MACF1: variants seen among roughly 807,000 people sequenced by gnomAD.
The protein encoded by MACF1 is microtubule actin crosslinking factor 1, also known as microtubule-actin cross-linking factor 1.
Under a neutral mutation model 854.8 loss-of-function variants are expected in MACF1, and 193 were observed. That is an observed-to-expected ratio of 0.23 (90% CI 0.20 to 0.25). MACF1 has a LOEUF of 0.25. Among genes scored for constraint, MACF1 ranks in the 10% least tolerant of loss-of-function variants. MACF1 has a pLI of 1.00. For missense variants in MACF1, 7,722 were observed against 8,929.1 expected, an observed-to-expected ratio of 0.86 and a Z score of 5.45; for synonymous variants, 3,185 against 3,226.7, an observed-to-expected ratio of 0.99 and a Z score of 0.44.
In MACF1 at chr1:39,333,848, T is replaced by A. The variant is rs1407740292; in HGVS notation, c.7260T>A (p.Val2420=). 1.2e-6 allele frequency: 2 copies of A among 1,614,174 alleles called. No individual in the cohort carries two copies. Among genetic ancestry groups the A allele is most frequent in the East Asian group, 4.5e-5 (2 of 44,880 alleles). Residue 2420 remains valine (V), a synonymous_variant, in exon 37 of 101, where the codon GTT becomes GTA. Transcript: ENST00000564288. ...TTGATCTGAAACGAGGCAAAAAAGT[T>A]TCAGTAACTTTGGCCTCAACTCTTG... ...GIIDLKRGKK[V]SVTLASTLGL...
At position 39,439,400 on chromosome 1, in the gene MACF1, C is replaced by T; in HGVS notation, c.18347C>T (p.Ala6116Val). ...GAGAAGTTCTGGTATGACATGGCAG[C>T]TCTCCTGACCACCATCAAAGACACC... is the stretch of plus-strand genomic sequence containing the variant. Reference protein sequence around the residue: ...LAEKFWYDMAALLTTIKDTQD... With the variant: ...LAEKFWYDMAVLLTTIKDTQD... Residue 6116 changes from alanine (A) to valine (V), a missense_variant, in exon 72 of 101, where the codon GCT (alanine) becomes GTT (valine). By Grantham distance (64) the Ala-to-Val change is moderately conservative (BLOSUM62 0). Around this residue, in one of 15 missense-constraint regions of MACF1, gnomAD observed 2,807 missense variants for 3,235.8 expected, o/e 0.87. Coordinates refer to ENST00000564288, the MANE Select transcript of MACF1 (RefSeq NM_001394062.1). The T allele has an allele frequency of 6.8e-6, 11 of 1,614,028 alleles. No individual in the cohort carries two copies. The highest frequency in any genetic ancestry group is 9.3e-6 in the Non-Finnish European group (11 of 1,179,898).
At position 39,359,283 on chromosome 1, in the gene MACF1, ATAATAGTAC is replaced by A; in HGVS notation, c.12244+21_12244+29del. On this transcript the variant is annotated intron_variant, in intron 47 of 100. Coordinates refer to ENST00000564288, the MANE Select transcript of MACF1 (RefSeq NM_001394062.1). ...ACTACAGGTATAAAGCAGCAACAGT[ATAATAGTAC>A]TCCCTTAATTCCTAGTATGTACCTC... 1 of 1,613,374 alleles carries A rather than the reference ATAATAGTAC, an allele frequency of 6.2e-7. No homozygotes were observed. Among genetic ancestry groups the A allele is most frequent in the Non-Finnish European group, 8.5e-7 (1 of 1,179,596 alleles).
At chr1:39,360,052 TACACACACACACACACAC>T (rs373864736) in intron 47 of MACF1, among the ~76,000 whole-genome samples, 3 of 49,858 alleles carry the variant, frequency 6.0e-5, no homozygotes, top group Non-Finnish European at 7.8e-5. Context: ...TATATATATA[TACACACACACACACACAC>T]ATATGTATAT....
rs754235741 is a variant in MACF1, at chr1:39,285,368, T to C, written c.1331T>C (p.Leu444Pro). The C allele has an allele frequency of 6.2e-6, 10 of 1,614,110 alleles. No homozygotes were observed. In the Admixed American group the frequency reaches 1.7e-4, roughly 27 times the overall value. ...GALNCEEKLT[L>P]AKNTLQADAA... ...TTGAACTGTGAAGAAAAACTGACAC[T>C]AGCTAAGAATACACTGCAGGCTGTA... is the stretch of plus-strand genomic sequence containing the variant. The change falls in exon 13 of 101, where the codon CTA becomes CCA. Residue 444 changes from leucine to proline, a missense_variant. Around this residue, in one of 15 missense-constraint regions of MACF1, gnomAD observed 1,137 missense variants for 1,263.0 expected, o/e 0.90. Transcript: ENST00000564288.
intron 92 of MACF1, among the ~76,000 whole-genome samples, chr1:39,461,105 A>G (rs1399685889): frequency 1.3e-5 from 2 of 151,420 alleles, no homozygotes; most frequent in African/African-American, 4.9e-5. Context: ...AAAAAAAGAC[A>G]GTGGTTAACC....
At chr1:39,242,155 C>T (rs1265712359) in intron 2 of MACF1, among the ~76,000 whole-genome samples, 3 of 151,972 alleles carry the variant, frequency 2.0e-5, no homozygotes, top group African/African-American at 2.4e-5. Context: ...CAAGACCAGC[C>T]TGGCCAACAT....
rs531418237 is a variant in MACF1 at position 39,085,011 on chromosome 1, G to A, written c.220+573G>A. ...TGTTCTACATGCTGACCTTTCACACGACGTGAAGGCTGGGGCTACCTCCTG... is the reference window on the plus strand; with the variant it reads ...TGTTCTACATGCTGACCTTTCACACAACGTGAAGGCTGGGGCTACCTCCTG... On this transcript the variant is annotated intron_variant, in intron 2 of 93. Coordinates refer to the MACF1 transcript ENST00000361689. Among the ~76,000 whole-genome samples, 17 of 152,214 alleles carry A rather than the reference G, an allele frequency of 1.1e-4. No homozygotes were observed. The East Asian group carries it at 1.4e-3, about 12-fold the overall frequency.
At chr1:39,261,164 G>C (rs1451159443) in intron 6 of MACF1, among the ~76,000 whole-genome samples, 1 of 152,088 alleles carries the variant, frequency 6.6e-6, no homozygotes, top group Admixed American at 6.5e-5. Context: ...ATTTTAAAAA[G>C]TTAAATACAA....
intron 42 of MACF1, among the ~76,000 whole-genome samples, chr1:39,350,460 C>T (rs1257591926): frequency 3.3e-5 from 5 of 152,126 alleles, no homozygotes; most frequent in Non-Finnish European, 7.3e-5. Flanking sequence ...AGTATAAGGG[C>T]CCATCAGGCC....
intron 17 of MACF1, 41 bp from the exon 18 acceptor site, chr1:39,293,417 A>G (rs1645835963): frequency 1.3e-6 from 2 of 1,554,094 alleles, no homozygotes; most frequent in African/African-American, 2.7e-5. Context: ...CTACAGATAC[A>G]AAGGCTGCCA....
chr1:39,205,031 C>T lies in MACF1; in HGVS notation c.9C>T (p.Leu3=). 1.3e-5 allele frequency: 9 copies of T among 702,996 alleles called. No homozygotes were observed. The South Asian group carries it at 1.3e-4, about 10-fold the overall frequency. The allele number at this position is 702,996 out of a possible 1,614,324, so 43.5% of individuals were successfully genotyped here. A position where few individuals can be genotyped will look rare whatever the true frequency, so the allele number is the denominator to read the frequency against. MP[L]LDSSYLPPTI... ...AAAGGACGGGCCTGGAAATGCCCCT[C>T]TTAGATTCATCTTATTTACCACCAA... Residue 3 remains leucine, a synonymous_variant, in exon 1 of 101, where the codon CTC becomes CTT. Transcript: ENST00000564288.
chr1:39,100,915 C>CGT lies in MACF1; in HGVS notation c.220+16492_220+16493dup, dbSNP rs146599271. ...AAACAAATATACAAATGCACGCGCGCGTGTGTGTGTGTGTGTATGTATATT... is the reference window on the plus strand; with the variant it reads ...AAACAAATATACAAATGCACGCGCGCGTGTGTGTGTGTGTGTGTATGTATATT... On this transcript the variant is annotated intron_variant, in intron 2 of 93. Transcript: ENST00000361689. Among the ~76,000 whole-genome samples, 176 of 151,354 alleles carry CGT rather than the reference C, an allele frequency of 1.2e-3. 2 individuals carry two copies. Among genetic ancestry groups the CGT allele is most frequent in the South Asian group, 9.6e-3 (46 of 4,774 alleles).
intron 43 of MACF1, among the ~76,000 whole-genome samples, chr1:39,352,501 A>G (rs1382346185): frequency 5.3e-5 from 8 of 152,170 alleles, no homozygotes; most frequent in Non-Finnish European, 1.2e-4. Flanking sequence ...ACCTCTAAAT[A>G]AAATATTTCT....
At chr1:39,396,311 C>A in intron 58 of MACF1, among the ~76,000 whole-genome samples, 1 of 142,314 alleles carries the variant, frequency 7.0e-6, no homozygotes, top group African/African-American at 2.8e-5. Context: ...CAGAGCGAGA[C>A]TCCATCTCAA....
At chr1:39,184,839 A>G (rs1423547113) in intron 2 of MACF1, among the ~76,000 whole-genome samples, 2 of 152,220 alleles carry the variant, frequency 1.3e-5, no homozygotes, top group Non-Finnish European at 2.9e-5. Flanking sequence ...CTCAGGTTTC[A>G]GGCCTCTCAA....
rs1262514175 is a variant in MACF1, at chr1:39,435,576, G to A, written c.17803G>A (p.Ala5935Thr). 6 of 1,613,948 alleles carry A rather than the reference G, an allele frequency of 3.7e-6. No homozygotes were observed. The highest frequency in any genetic ancestry group is 5.1e-6 in the Non-Finnish European group (6 of 1,179,932). Residue 5935 changes from alanine to threonine, a missense_variant, in exon 70 of 101, where the codon GCT becomes ACT. By Grantham distance (58) the Ala-to-Thr change is moderately conservative (BLOSUM62 0). Transcript: ENST00000564288. Reference sequence around the variant, plus strand: ...TACCTAGCAATTAAGGGAATCTATTGCTGAACACAAACCTCATATTGACAA... The same window carrying A: ...TACCTAGCAATTAAGGGAATCTATTACTGAACACAAACCTCATATTGACAA... ...EEMRQLRESIAEHKPHIDKLL... is the reference protein window; with the variant it reads ...EEMRQLRESITEHKPHIDKLL...
chr1:39,190,395 GTTTTTGTTTTT>G lies in MACF1; in HGVS notation c.221-40781_221-40771del, dbSNP rs1247915109. Among the ~76,000 whole-genome samples, 9 of 79,040 alleles carry G rather than the reference GTTTTTGTTTTT, an allele frequency of 1.1e-4. 1 individual carries two copies. The highest frequency in any genetic ancestry group is 4.2e-4 in the African/African-American group (9 of 21,324). The allele number at this position is 79,040 out of a possible 152,430, so 51.9% of individuals were successfully genotyped here. On this transcript the variant is annotated intron_variant, in intron 2 of 93. Coordinates refer to the MACF1 transcript ENST00000361689. ...TGTGTGTGTGTGTGTGTGTGTGTTT[GTTTTTGTTTTT>G]TTTTTTTTTTTTTGATGGAATCTTG...
At chr1:39,300,560 T>G (rs141692977) in intron 22 of MACF1, among the ~76,000 whole-genome samples, 198 bp downstream of exon 22, 220 of 152,176 alleles carry the variant, frequency 1.4e-3, no homozygotes, top group African/African-American at 5.2e-3. Flanking sequence ...ACCTGCTCCC[T>G]GCCTCAGTGA....
chr1:39,303,127 C>T (rs375408563), intron 23 of MACF1, 49 bp downstream of exon 23: 46 of 1,595,270 alleles, frequency 2.9e-5, no homozygotes, highest in African/African-American at 2.0e-4. Flanking sequence ...CTGTTGGCCT[C>T]GGTGAACCAG....
Sources: allele counts gnomAD v4.1 joint callset (sites outside exome capture counted in the v4.1 genomes callset), GRCh38; gene constraint gnomAD v4.1.1; regional missense constraint gnomAD v4.1.1; transcripts MANE v1.5; gene names NCBI Gene and HGNC (gene_info 2026-07-23, HGNC 2026-07-21).